TET3: variants seen among roughly 807,000 people sequenced by gnomAD.
TET3 encodes tet methylcytosine dioxygenase 3, also known as methylcytosine dioxygenase TET3.
Under a neutral mutation model 141.4 loss-of-function variants are expected in TET3, and 19 were observed. The observed-to-expected ratio is 0.13, with a 90% confidence interval of 0.09 to 0.20. The LOEUF (loss-of-function observed/expected upper bound fraction) is 0.20, where lower values mean the gene tolerates loss of function less well. Among genes scored for constraint, TET3 ranks in the 10% least tolerant of loss-of-function variants. The pLI, the probability that TET3 is intolerant of heterozygous loss-of-function variation, is 1.00. For missense variants in TET3, 1,874 were observed against 2,356.9 expected (o/e 0.80, Z 4.24); for synonymous variants, 1,043 against 980.9 (o/e 1.06, Z -1.18).
intron 3 of TET3, among the ~76,000 whole-genome samples, chr2:74,044,248 T>G (rs948609955): frequency 1.1e-4 from 16 of 152,162 alleles, no homozygotes; most frequent in Admixed American, 1.0e-3. Flanking sequence ...AGGGACTGAT[T>G]TCTTATTTAG....
At chr2:74,028,501 G>A (rs1041789340) in intron 3 of TET3, among the ~76,000 whole-genome samples, 5 of 152,134 alleles carry the variant, frequency 3.3e-5, no homozygotes, top group African/African-American at 1.2e-4. Context: ...TATGGTGTGA[G>A]GCAGGGGTTC....
At chr2:74,072,597 G>A (rs1573854189) in intron 4 of TET3, among the ~76,000 whole-genome samples, 1 of 151,802 alleles carries the variant, frequency 6.6e-6, no homozygotes. Context: ...GGTAAAGTAT[G>A]TATAACTTAA....
Position 74,047,256 on chromosome 2 carries a change from C to T in TET3, c.1339C>T (p.Arg447Trp), listed in dbSNP as rs369297421. The T allele has an allele frequency of 1.7e-5, 27 of 1,613,884 alleles. No individual in the cohort carries two copies. Among genetic ancestry groups the T allele is most frequent in the Admixed American group, 1.7e-4 (10 of 60,008 alleles). Reference sequence around the variant, plus strand: ...CACTGACACCCCTCCAGCAACGCCCCGGAGCTCCTGGCCCATGCCTCGCCC... The same window carrying T: ...CACTGACACCCCTCCAGCAACGCCCTGGAGCTCCTGGCCCATGCCTCGCCC... ...WGTDTPPATP[R>W]SSWPMPRPSP... Residue 447 changes from arginine (R) to tryptophan (W), a missense_variant, in exon 4 of 12, where the codon CGG (arginine) becomes TGG (tryptophan). By Grantham distance (101) the Arg-to-Trp change is moderately radical. Coordinates refer to ENST00000409262, the MANE Select transcript of TET3 (RefSeq NM_001287491.2).
At chr2:74,038,785 G>A (rs979565854) in intron 3 of TET3, among the ~76,000 whole-genome samples, 1 of 152,190 alleles carries the variant, frequency 6.6e-6, no homozygotes, top group African/African-American at 2.4e-5. Flanking sequence ...AGCAAATGGT[G>A]TAGTTGACCA....
chr2:73,996,083 T>G (rs1684581161), intron 2 of TET3, among the ~76,000 whole-genome samples: 1 of 152,032 alleles, frequency 6.6e-6, no homozygotes, highest in East Asian at 1.9e-4. Context: ...CATGTTGACT[T>G]CCAGCTCCAA....
rs1335279703 is a variant in TET3 at position 74,087,865 on chromosome 2, C to G, written c.2715C>G (p.Leu905=). ...IRRHTLEEKL[L]CLVRHRAGHH... is the part of the protein sequence containing the mutation. ...GGCACACGCTGGAGGAGAAGCTACT[C>G]TGCCTGGTGCGGCACCGGGCAGGCC... The change falls in exon 7 of 12, where the codon CTC becomes CTG. Residue 905 remains leucine, a synonymous_variant. Coordinates refer to ENST00000409262, the MANE Select transcript of TET3 (RefSeq NM_001287491.2). The surrounding 1 kb of genome is among the most constrained non-coding windows in gnomAD (Gnocchi z 4.3). 1.3e-6 allele frequency: 2 copies of G among 1,551,410 alleles called. No homozygotes were observed. Among genetic ancestry groups the G allele is most frequent in the Non-Finnish European group, 1.7e-6 (2 of 1,146,932 alleles).
chr2:74,123,009 A>T, the TET3 span: 3 of 152,056 alleles, frequency 2.0e-5, no homozygotes, highest in African/African-American at 7.2e-5. Flanking sequence ...AATGAATTTG[A>T]TAAGGAACTG....
chr2:74,111,808 C>G (rs1296185367), downstream of TET3, among the ~76,000 whole-genome samples: 1 of 152,140 alleles, frequency 6.6e-6, no homozygotes, highest in Non-Finnish European at 1.5e-5. Flanking sequence ...TGTGCCCTAT[C>G]CAAATATACC....
At position 74,100,626 on chromosome 2, in the gene TET3, G is replaced by T. The variant is rs369960930; in HGVS notation, c.3838G>T (p.Ala1280Ser). 1 of 1,613,832 alleles carries T rather than the reference G, an allele frequency of 6.2e-7. No individual in the cohort carries two copies. Among genetic ancestry groups the T allele is most frequent in the Non-Finnish European group, 8.5e-7 (1 of 1,179,892 alleles). Residue 1280 changes from alanine (A) to serine (S), a missense_variant, in exon 12 of 12, where the codon GCT (alanine) becomes TCT (serine). By Grantham distance (99) the Ala-to-Ser change is moderately conservative (BLOSUM62 1). Coordinates refer to ENST00000409262, the MANE Select transcript of TET3 (RefSeq NM_001287491.2). ...TSVNGFHSKY[A>S]LPSFSYYGFP... Reference sequence around the variant, plus strand: ...CGTCAATGGCTTCCACTCCAAGTACGCTCTCCCGTCTTTTAGCTACTATGG... The same window carrying T: ...CGTCAATGGCTTCCACTCCAAGTACTCTCTCCCGTCTTTTAGCTACTATGG...
intron 4 of TET3, among the ~76,000 whole-genome samples, chr2:74,049,056 T>A (rs1687800141): frequency 6.6e-6 from 1 of 152,008 alleles, no homozygotes; most frequent in South Asian, 2.1e-4. Context: ...TGAGGAGACA[T>A]AGCTGTAAGA....
chr2:74,105,528 AG>A lies in TET3; in HGVS notation c.*3353del, dbSNP rs1484495344. 3 of 398,232 alleles carry A rather than the reference AG, an allele frequency of 7.5e-6. No individual in the cohort carries two copies. Among genetic ancestry groups the A allele is most frequent in the Non-Finnish European group, 1.3e-5 (3 of 225,818 alleles). The allele number at this position is 398,232 out of a possible 1,614,324, so 24.7% of individuals were successfully genotyped here. A position where few individuals can be genotyped will look rare whatever the true frequency, so the allele number is the denominator to read the frequency against. The stretch of plus-strand genomic sequence containing the variant: ...GTTTTTGGTTTTGGGTCTGGCTTTT[AG>A]CAGGGCCAATGTTTCCCACACCCCG... On this transcript the variant is annotated 3_prime_UTR_variant, in exon 12 of 12. Coordinates refer to ENST00000409262, the MANE Select transcript of TET3 (RefSeq NM_001287491.2).
chr2:74,099,667 G>C, intron 11 of TET3, 55 bp downstream of exon 11: 1 of 1,466,326 alleles, frequency 6.8e-7, no homozygotes, highest in Non-Finnish European at 9.1e-7. Context: ...CCTCATGGGG[G>C]CCCCTGCTCT....
At chr2:74,121,587 TGAAAG>T in the TET3 span, 1 of 152,162 alleles carries the variant, frequency 6.6e-6, no homozygotes, top group East Asian at 1.9e-4. Flanking sequence ...GGTGGCAAAT[TGAAAG>T]GAAACTTCTG....
intron 3 of TET3, among the ~76,000 whole-genome samples, chr2:74,021,346 A>G (rs1686033529): frequency 6.6e-6 from 1 of 152,256 alleles, no homozygotes. Context: ...GCATTCTGGC[A>G]GTGAGGCCAC....
At chr2:74,034,056 A>G (rs1686894615) in intron 3 of TET3, among the ~76,000 whole-genome samples, 2 of 152,058 alleles carry the variant, frequency 1.3e-5, no homozygotes, top group East Asian at 1.9e-4. Context: ...AGATCGTGCC[A>G]TTGCACTTTA....
chr2:74,072,966 A>C (rs1207859860), intron 4 of TET3, among the ~76,000 whole-genome samples: 1 of 152,270 alleles, frequency 6.6e-6, no homozygotes, highest in Non-Finnish European at 1.5e-5. Context: ...TCATGTGGAC[A>C]TACGCATTTT....
At chr2:74,056,541 G>A (rs367987387) in intron 4 of TET3, among the ~76,000 whole-genome samples, 3 of 151,160 alleles carry the variant, frequency 2.0e-5, no homozygotes, top group Non-Finnish European at 2.9e-5. Context: ...AGAAAGGGGG[G>A]GAAAAAAAGA....
the TET3 span, among the ~76,000 whole-genome samples, chr2:74,128,992 TAAAAAAAA>T: frequency 0.31 from 23,971 of 78,368 alleles, 2,901 homozygotes; most frequent in East Asian, 0.52. Flanking sequence ...TGTCTCAATT[TAAAAAAAA>T]AAAAAAAAAA....
intron 3 of TET3, among the ~76,000 whole-genome samples, chr2:74,010,370 G>A (rs1263743292): frequency 6.6e-6 from 1 of 152,220 alleles, no homozygotes; most frequent in African/African-American, 2.4e-5. Context: ...GGACCTGGGT[G>A]GGTGCCAGAG....
Sources: gnomAD v4.1 joint callset for allele counts (sites outside exome capture counted in the v4.1 genomes callset) on GRCh38, gnomAD v4.1.1 for gene constraint, Gnocchi (gnomAD v3.1) non-coding constraint, MANE v1.5 for transcripts, NCBI Gene and HGNC (gene_info 2026-07-23, HGNC 2026-07-21) for gene names.